The following SRFBP1 variants were observed in gnomAD, a reference collection of about 807,000 sequenced individuals.
SRFBP1 encodes the protein serum response factor-binding protein 1.
A neutral mutation model predicts 45.5 loss-of-function variants in SRFBP1; 47 were observed. That is an observed-to-expected ratio of 1.03 (90% CI 0.82 to 1.32). The LOEUF (loss-of-function observed/expected upper bound fraction) is 1.32. Among genes scored for constraint, SRFBP1 ranks in the 40% most tolerant of loss-of-function variants. SRFBP1 has a pLI of 0.00. For missense variants in SRFBP1, 621 were observed against 484.6 expected, an observed-to-expected ratio of 1.28 and a Z score of -2.64; for synonymous variants, 203 against 166.3, an observed-to-expected ratio of 1.22 and a Z score of -1.70.
At chr5:122,042,029 T>G (rs1256112303) in intron 2 of SRFBP1, among the ~76,000 whole-genome samples, 1 of 152,184 alleles carries the variant, frequency 6.6e-6, no homozygotes, top group Non-Finnish European at 1.5e-5. Flanking sequence ...TCAGATACCT[T>G]TTAAACATTT....
intron 3 of SRFBP1, among the ~76,000 whole-genome samples, chr5:121,979,306 T>G (rs935180992): frequency 1.3e-5 from 2 of 152,200 alleles, no homozygotes; most frequent in African/African-American, 4.8e-5. Context: ...TTTAGAATTT[T>G]GTGATATTTC....
rs1753511109 is a variant in SRFBP1, at chr5:122,027,604, C to A, written c.*478C>A. 6.6e-6 allele frequency: 1 copy of A among 151,906 alleles called. No homozygotes were observed. The allele number at this position is 151,906 out of a possible 1,614,324, so 9.4% of individuals were successfully genotyped here. ...TTCACTGGTTCAGCTCTGTTGTTTCCTTAAACATAAATGTCAATATATATT... is the reference window on the plus strand; with the variant it reads ...TTCACTGGTTCAGCTCTGTTGTTTCATTAAACATAAATGTCAATATATATT... On this transcript the variant is annotated 3_prime_UTR_variant, in exon 8 of 8. Coordinates refer to ENST00000339397, the MANE Select transcript of SRFBP1 (RefSeq NM_152546.3).
At chr5:121,970,303 T>C (rs904491978) in intron 1 of SRFBP1, among the ~76,000 whole-genome samples, 10 of 152,152 alleles carry the variant, frequency 6.6e-5, no homozygotes, top group Admixed American at 4.6e-4. Context: ...AGCTTTGTTA[T>C]GATTGGAATG....
intron 1 of SRFBP1, among the ~76,000 whole-genome samples, chr5:121,972,722 G>A (rs1752224938): frequency 6.6e-6 from 1 of 151,816 alleles, no homozygotes; most frequent in African/African-American, 2.4e-5. Flanking sequence ...TGTGGTGGGT[G>A]GAGTTGAACA....
At chr5:122,078,900 G>A (rs925375039), downstream of SRFBP1, among the ~76,000 whole-genome samples, 1 of 152,200 alleles carries the variant, frequency 6.6e-6, no homozygotes, top group Non-Finnish European at 1.5e-5. Context: ...GCCAGCTAAC[G>A]CTGCAGCTAT....
intron 2 of SRFBP1, among the ~76,000 whole-genome samples, chr5:122,046,124 G>A (rs1276446914): frequency 6.6e-6 from 1 of 152,008 alleles, no homozygotes; most frequent in Non-Finnish European, 1.5e-5. Flanking sequence ...GTATACATGT[G>A]CCATGTTGGT....
intron 2 of SRFBP1, among the ~76,000 whole-genome samples, chr5:122,071,093 C>T (rs992392871): frequency 6.6e-6 from 1 of 152,010 alleles, no homozygotes. Context: ...ATATAGCTAA[C>T]CAGAGGCTGC....
At chr5:122,032,413 A>G (rs1467180658), downstream of SRFBP1, among the ~76,000 whole-genome samples, 6 of 151,990 alleles carry the variant, frequency 3.9e-5, no homozygotes, top group Non-Finnish European at 8.8e-5. Context: ...CCTGTAAACA[A>G]TAAATCTCAT....
rs375901404 is a variant in SRFBP1, at chr5:121,988,989, T to C, written c.199-5610T>C. ...AGAATATTTAGAGTATTTGCAGTTA[T>C]ATTCAATTTAGAGAAAAATCTAAAT... is the stretch of plus-strand genomic sequence containing the variant. On this transcript the variant is annotated intron_variant, in intron 3 of 7. Transcript: ENST00000339397. 9.2e-5 allele frequency among the ~76,000 whole-genome samples: 14 copies of C among 152,314 alleles called. No homozygotes were observed. In the East Asian group the frequency reaches 1.9e-3, roughly 21 times the overall value.
chr5:121,972,280 G>A (rs1259855904), intron 1 of SRFBP1, among the ~76,000 whole-genome samples: 2 of 151,892 alleles, frequency 1.3e-5, no homozygotes, highest in Non-Finnish European at 2.9e-5. Flanking sequence ...AAGGAAGATG[G>A]GTCATGGAAG....
At chr5:121,998,084 A>C (rs1287606113) in intron 4 of SRFBP1, among the ~76,000 whole-genome samples, 7 of 152,130 alleles carry the variant, frequency 4.6e-5, no homozygotes, top group African/African-American at 1.4e-4. Context: ...AACTTAGTTC[A>C]ACCATTGTGG....
rs745456471 is a variant in SRFBP1, at chr5:122,027,110, T to A, written c.1274T>A (p.Ile425Asn). 13 of 1,601,702 alleles carry A rather than the reference T, an allele frequency of 8.1e-6. No homozygotes were observed. The highest frequency in any genetic ancestry group is 3.4e-5 in the South Asian group (3 of 87,834). The part of the protein sequence containing the change: ...SNIAVFQGKK[I>N]TFDD ...ATTGCTGTGTTTCAGGGGAAAAAAA[T>A]TACGTTTGATGATTGATTAGTGCCT... The change falls in exon 8 of 8, where the codon ATT becomes AAT. Residue 425 changes from isoleucine (I) to asparagine (N), a missense_variant. Physicochemically the swap from Ile to Asn is moderately radical, Grantham distance 149. Transcript: ENST00000339397.
downstream of SRFBP1, chr5:122,078,282 T>G (rs1354890678): frequency 3.1e-6 from 1 of 319,214 alleles, no homozygotes; most frequent in Non-Finnish European, 5.6e-6. Context: ...GGAGGAGAGA[T>G]TTTAAACTTT....
In SRFBP1 at chr5:121,976,258, T is replaced by G. The variant is rs544652270; in HGVS notation, c.198+871T>G. ...TGAATAAAAACATCTAGGAAACGAC[T>G]CTTTGATATGAAGTATATTTGTTTC... is the stretch of plus-strand genomic sequence containing the variant. On this transcript the variant is annotated intron_variant, in intron 3 of 7. Coordinates refer to ENST00000339397, the MANE Select transcript of SRFBP1 (RefSeq NM_152546.3). 6.2e-4 allele frequency among the ~76,000 whole-genome samples: 95 copies of G among 152,150 alleles called. No individual in the cohort carries two copies. The Middle Eastern group carries it at 0.024, about 38-fold the overall frequency.
At chr5:121,973,613 T>G in intron 1 of SRFBP1, among the ~76,000 whole-genome samples, 2 of 140,224 alleles carry the variant, frequency 1.4e-5, no homozygotes, top group Admixed American at 7.1e-5. Context: ...TGCATGTGTG[T>G]GTGGGGGGGG....
intron 3 of SRFBP1, among the ~76,000 whole-genome samples, chr5:121,990,702 G>C (rs1297835483): frequency 6.6e-6 from 1 of 152,166 alleles, no homozygotes; most frequent in East Asian, 1.9e-4. Context: ...CCCTTGAAGA[G>C]CTTACACTCT....
intron 2 of SRFBP1, among the ~76,000 whole-genome samples, chr5:122,059,875 G>A (rs1754144362): frequency 6.6e-6 from 1 of 152,124 alleles, no homozygotes; most frequent in Admixed American, 6.6e-5. Context: ...ATAGAGGGAT[G>A]GTGAAGGTGG....
intron 4 of SRFBP1, among the ~76,000 whole-genome samples, chr5:122,018,441 G>A (rs889574832): frequency 3.9e-5 from 6 of 152,150 alleles, no homozygotes; most frequent in African/African-American, 1.4e-4. Context: ...TTGAGGGAAA[G>A]ACAAATAGTG....
downstream of SRFBP1, among the ~76,000 whole-genome samples, chr5:122,030,604 T>C (rs1418286798): frequency 6.6e-6 from 1 of 152,178 alleles, no homozygotes; most frequent in Non-Finnish European, 1.5e-5. Context: ...GAGGCTTTTT[T>C]TTTTTTTTAA....
Sources: allele counts gnomAD v4.1 joint callset (sites outside exome capture counted in the v4.1 genomes callset), GRCh38; gene constraint gnomAD v4.1.1; transcripts MANE v1.5; gene names NCBI Gene and HGNC (gene_info 2026-07-23, HGNC 2026-07-21).